POLE: variants seen among roughly 807,000 people sequenced by gnomAD.
POLE encodes DNA polymerase epsilon catalytic subunit A.
A neutral mutation model predicts 279.2 loss-of-function variants in POLE; 188 were observed. The observed-to-expected ratio is 0.67, with a 90% CI of 0.60 to 0.76. The LOEUF is 0.76. POLE is among the 30% of genes least tolerant of loss of function. The pLI, the probability that POLE is intolerant of heterozygous loss-of-function variation, is 0.00. For synonymous variants in POLE, 1,214 were observed against 1,172.5 expected, an observed-to-expected ratio of 1.04 and a Z score of -0.72; for missense variants, 2,703 against 3,016.7, an observed-to-expected ratio of 0.90 and a Z score of 2.44.
In POLE at chr12:132,639,952, AAAAACAAAACAAAACAAAAC is replaced by A. The variant is rs10526281; in HGVS notation, c.5379-674_5379-655del. Among the ~76,000 whole-genome samples, 908 of 148,796 alleles carry A rather than the reference AAAAACAAAACAAAACAAAAC, an allele frequency of 6.1e-3. 5 individuals carry two copies. Among genetic ancestry groups the A allele is most frequent in the African/African-American group, 0.019 (772 of 40,198 alleles). On this transcript the variant is annotated intron_variant, in intron 39 of 48. Transcript: ENST00000320574. This position sits in a 1 kb window ranked among gnomAD's most constrained non-coding sequence, Gnocchi z 4.7. ...ACAGAGTGAGACTGTCTCAAAAAAC[AAAAACAAAACAAAACAAAAC>A]AAAACAAAACAAAACAAAACAAAAC...
At position 132,644,052 on chromosome 12, in the gene POLE, C is replaced by T. The variant is rs550651241; in HGVS notation, c.4150-75G>A. The T allele has an allele frequency of 4.1e-4, 603 of 1,465,794 alleles. 4 individuals carry two copies. The African/African-American group carries it at 0.013, about 31-fold the overall frequency. 90.8% of individuals were successfully genotyped at this position (1,465,794 alleles called of 1,614,324 possible). On this transcript the variant is annotated intron_variant, in intron 32 of 48. Transcript: ENST00000320574. ...CTGTGGTACACACACAAAGCACACG[C>T]TATTCGGAGTCCTAGACTTCTGGTG... is the stretch of plus-strand genomic sequence containing the variant.
rs767661870 is a variant in POLE, at chr12:132,634,146, C to A, written c.6004+40G>T. ...GAGCCACATCTACTAACCATGAGTCCCTTCAGTGGGGGCTGCGCAGCCCTG... is the reference window on the plus strand; with the variant it reads ...GAGCCACATCTACTAACCATGAGTCACTTCAGTGGGGGCTGCGCAGCCCTG... On this transcript the variant is annotated intron_variant, in intron 43 of 48. Transcript: ENST00000320574. This position sits in a 1 kb window ranked among gnomAD's most constrained non-coding sequence, Gnocchi z 4.0. The A allele has an allele frequency of 6.5e-7, 1 of 1,537,142 alleles. No homozygotes were observed. Among genetic ancestry groups the A allele is most frequent in the East Asian group, 2.3e-5 (1 of 44,068 alleles).
Position 132,639,691 on chromosome 12 carries a change from C to T in POLE, c.5379-393G>A, listed in dbSNP as rs531120151. ...ACTAGGCCGGATGCAGAGGCTCACG[C>T]CTGTAATCCCACCACTTTGGGAGGC... On this transcript the variant is annotated intron_variant, in intron 39 of 48. Coordinates refer to ENST00000320574, the MANE Select transcript of POLE (RefSeq NM_006231.4). This position sits in a 1 kb window ranked among gnomAD's most constrained non-coding sequence, Gnocchi z 4.7. 1.3e-5 allele frequency among the ~76,000 whole-genome samples: 2 copies of T among 152,194 alleles called. No individual in the cohort carries two copies. The highest frequency in any genetic ancestry group is 4.8e-5 in the African/African-American group (2 of 41,440).
intron 8 of POLE, 39 bp from the exon 9 acceptor site, chr12:132,676,692 T>TC (rs1431634010): frequency 7.6e-6 from 10 of 1,307,664 alleles, no homozygotes; most frequent in Non-Finnish European, 1.1e-5. Context: ...AGCTCTAAAC[T>TC]CCCCATTAGG....
chr12:132,629,592 C>T (rs190611154), intron 45 of POLE, among the ~76,000 whole-genome samples: 24 of 152,350 alleles, frequency 1.6e-4, no homozygotes, highest in African/African-American at 5.5e-4. Context: ...CTTCTACAGC[C>T]TCCTCAGCTC....
chr12:132,648,258 T>C (rs1433935219), intron 32 of POLE, among the ~76,000 whole-genome samples: 1 of 150,834 alleles, frequency 6.6e-6, no homozygotes, highest in Non-Finnish European at 1.5e-5. Flanking sequence ...AGTGGATCAG[T>C]GGCTACTGAG....
intron 42 of POLE, 97 bp downstream of exon 42, chr12:132,635,795 C>T (rs879920659): frequency 1.1e-4 from 147 of 1,328,158 alleles, no homozygotes; most frequent in South Asian, 2.2e-4. Flanking sequence ...CTGCTGCTCA[C>T]GGCCAGGCCC....
chr12:132,636,632 T>C (rs1441804518), intron 41 of POLE, among the ~76,000 whole-genome samples: 1 of 152,022 alleles, frequency 6.6e-6, no homozygotes, highest in Non-Finnish European at 1.5e-5. Flanking sequence ...GGCATGCACC[T>C]CTAGTCCCAT....
chr12:132,667,183 AAAC>A (rs1446019659), intron 20 of POLE, among the ~76,000 whole-genome samples: 2 of 152,152 alleles, frequency 1.3e-5, no homozygotes, highest in African/African-American at 4.8e-5. Flanking sequence ...GGAAAGAGAT[AAAC>A]AATAGGCGAA....
At chr12:132,653,779 G>A (rs1276883440) in intron 29 of POLE, among the ~76,000 whole-genome samples, 2 of 152,200 alleles carry the variant, frequency 1.3e-5, no homozygotes, top group African/African-American at 2.4e-5. Flanking sequence ...TTGTGGTTAA[G>A]TATGAGGTCT....
chr12:132,630,614 G>A (rs575629161), intron 45 of POLE, among the ~76,000 whole-genome samples: 1 of 152,150 alleles, frequency 6.6e-6, no homozygotes, highest in Admixed American at 6.5e-5. Flanking sequence ...GGGGGGGCGT[G>A]GTGGCAGGCA....
At chr12:132,643,741 T>C (rs2138556285) in intron 33 of POLE, 96 bp downstream of exon 33, 1 of 1,485,986 alleles carries the variant, frequency 6.7e-7, no homozygotes, top group East Asian at 2.3e-5. Flanking sequence ...CCACTGTCGC[T>C]GCTGTTCCCC....
chr12:132,681,030 A>C, intron 2 of POLE, 108 bp downstream of exon 2: 1 of 1,315,092 alleles, frequency 7.6e-7, no homozygotes, highest in Non-Finnish European at 1.1e-6. Flanking sequence ...CTCCCACCTG[A>C]TTCACTCAAA....
chr12:132,682,315 T>C (rs1247067713), intron 1 of POLE, among the ~76,000 whole-genome samples: 1 of 132,858 alleles, frequency 7.5e-6, no homozygotes, highest in Non-Finnish European at 1.6e-5. Flanking sequence ...TAAATAAAAA[T>C]AAATAAATAA....
At chr12:132,635,773 C>CG in intron 42 of POLE, 119 bp downstream of exon 42, 1 of 965,052 alleles carries the variant, frequency 1.0e-6, no homozygotes, top group Non-Finnish European at 1.5e-6. Flanking sequence ...GGGCAGGATG[C>CG]GGGTGCAGTG....
At chr12:132,655,819 C>G (rs7135759) in intron 29 of POLE, among the ~76,000 whole-genome samples, 80,898 of 151,868 alleles carry the variant, frequency 0.53, 22,766 homozygotes, top group African/African-American at 0.71. Flanking sequence ...GTATTTTTTA[C>G]TCCTTTTGCT....
intron 12 of POLE, among the ~76,000 whole-genome samples, chr12:132,674,221 G>A (rs2042993658): frequency 1.3e-5 from 2 of 151,896 alleles, no homozygotes; most frequent in East Asian, 1.9e-4. Flanking sequence ...CACTCTACCC[G>A]GAACCTGTCT....
intron 29 of POLE, among the ~76,000 whole-genome samples, chr12:132,656,428 G>C (rs1382418740): frequency 6.6e-6 from 1 of 151,258 alleles, no homozygotes; most frequent in African/African-American, 2.4e-5. Flanking sequence ...GCGTGATCTC[G>C]GCTCACTGCA....
In POLE at chr12:132,680,666, T is replaced by C. The variant is rs1468404698; in HGVS notation, c.226A>G (p.Lys76Glu). Residue 76 changes from lysine (K) to glutamate (E), a missense_variant, in exon 3 of 49, where the codon AAG becomes GAG. Lys to Glu is a moderately conservative substitution (Grantham distance 56). This residue lies in a region of POLE where 1,011 missense variants were observed against 1,111.7 expected (regional missense o/e 0.91). Transcript: ENST00000320574. The stretch of plus-strand genomic sequence containing the variant: ...TAATCCACTGCACTGCCTAAGCGCT[T>C]ATCTTCATCTAAAATCTCGGTCTAC... ...MHPTEILDED[K>E]RLGSAVDYYF... The C allele has an allele frequency of 6.2e-7, 1 of 1,613,730 alleles. No individual in the cohort carries two copies. The highest frequency in any genetic ancestry group is 8.5e-7 in the Non-Finnish European group (1 of 1,179,638).
Sources: gnomAD v4.1 joint callset for allele counts (sites outside exome capture counted in the v4.1 genomes callset) on GRCh38, gnomAD v4.1.1 for gene constraint, gnomAD v4.1.1 regional missense constraint, Gnocchi (gnomAD v3.1) non-coding constraint, MANE v1.5 for transcripts, NCBI Gene and HGNC (gene_info 2026-07-23, HGNC 2026-07-21) for gene names.